SMYD3: variants seen among roughly 807,000 people sequenced by gnomAD.
SMYD3 encodes the protein SET and MYND domain containing 3, also known as histone-lysine N-methyltransferase SMYD3.
A neutral mutation model predicts 57.7 loss-of-function variants in SMYD3; 36 were observed. The observed-to-expected ratio is 0.62, with a 90% CI of 0.48 to 0.82. The LOEUF (loss-of-function observed/expected upper bound fraction) is 0.82. Ranked by LOEUF, SMYD3 falls within the 40% of genes least tolerant of loss-of-function variation. The pLI is 0.00. For missense variants in SMYD3, 515 were observed against 538.8 expected (o/e 0.96, Z 0.44); for synonymous variants, 211 against 195.0 (o/e 1.08, Z -0.68).
At chr1:246,173,128 A>C (rs2062371500) in intron 5 of SMYD3, among the ~76,000 whole-genome samples, 1 of 146,224 alleles carries the variant, frequency 6.8e-6, no homozygotes, top group Non-Finnish European at 1.5e-5. Context: ...TAGGCTACAC[A>C]GGCCTAGAAC....
chr1:246,284,952 A>G (rs900013978), intron 5 of SMYD3, among the ~76,000 whole-genome samples: 31 of 141,514 alleles, frequency 2.2e-4, no homozygotes, highest in African/African-American at 8.4e-4. Flanking sequence ...ATTGACTAGT[A>G]ACTGCCTTTC....
chr1:246,134,979 T>C (rs1292446206), intron 5 of SMYD3, among the ~76,000 whole-genome samples: 2 of 150,080 alleles, frequency 1.3e-5, no homozygotes, highest in African/African-American at 4.9e-5. Flanking sequence ...GAGGCTGCTG[T>C]TTGGTACCTT....
At chr1:246,230,780 C>A (rs920520691) in intron 5 of SMYD3, among the ~76,000 whole-genome samples, 3 of 152,172 alleles carry the variant, frequency 2.0e-5, no homozygotes, top group African/African-American at 7.2e-5. Context: ...ACTGGCCACA[C>A]GTGGCTGTTG....
intron 5 of SMYD3, among the ~76,000 whole-genome samples, chr1:246,292,217 C>T (rs984289225): frequency 1.5e-4 from 22 of 148,290 alleles, no homozygotes; most frequent in African/African-American, 5.5e-4. Flanking sequence ...TACTATCCAA[C>T]ACACCAGCAT....
At chr1:246,243,328 A>ATATATATATT (rs61335937) in intron 5 of SMYD3, among the ~76,000 whole-genome samples, 6 of 147,854 alleles carry the variant, frequency 4.1e-5, no homozygotes, top group African/African-American at 1.5e-4. Flanking sequence ...GTATATATAT[A>ATATATATATT]TTTTCTATGG....
intron 10 of SMYD3, among the ~76,000 whole-genome samples, chr1:245,779,766 T>C (rs2046757258): frequency 6.6e-6 from 1 of 152,224 alleles, no homozygotes; most frequent in Non-Finnish European, 1.5e-5. Flanking sequence ...GGAACCCTCA[T>C]ATATTGTTAA....
chr1:246,058,877 C>CA (rs2060200494), intron 5 of SMYD3, among the ~76,000 whole-genome samples: 2 of 148,382 alleles, frequency 1.3e-5, no homozygotes, highest in Non-Finnish European at 3.0e-5. Context: ...CTCAAATCCA[C>CA]ATTTCTTTTT....
chr1:245,874,957 G>A (rs558010019), intron 8 of SMYD3, among the ~76,000 whole-genome samples: 1 of 152,302 alleles, frequency 6.6e-6, no homozygotes, highest in South Asian at 2.1e-4. Context: ...CAGCTCTTTT[G>A]TGCCTCACCT....
intron 5 of SMYD3, among the ~76,000 whole-genome samples, chr1:245,939,575 C>T (rs2057137445): frequency 6.6e-6 from 1 of 152,178 alleles, no homozygotes; most frequent in African/African-American, 2.4e-5. Context: ...TGCAGTGAGC[C>T]AAGATCGCAC....
chr1:245,964,689 C>T (rs150112315), intron 5 of SMYD3, among the ~76,000 whole-genome samples: 1,751 of 151,888 alleles, frequency 0.012, 20 homozygotes, highest in South Asian at 0.019. Flanking sequence ...TTGAATAATC[C>T]TTTTGACCAA....
intron 5 of SMYD3, among the ~76,000 whole-genome samples, chr1:246,201,376 T>C (rs12074575): frequency 0.13 from 19,399 of 152,146 alleles, 3,212 homozygotes; most frequent in African/African-American, 0.38. Context: ...ATGCAGAAAA[T>C]GGGTGTTCAT....
At chr1:246,326,048 T>C (rs1212156868) in intron 5 of SMYD3, 1 of 210,968 alleles carries the variant, frequency 4.7e-6, no homozygotes, top group African/African-American at 2.3e-5. Flanking sequence ...CAGAAAATCA[T>C]AAAAATGTAC....
chr1:246,108,845 G>A (rs989393640), intron 5 of SMYD3: 2 of 152,144 alleles, frequency 1.3e-5, no homozygotes, highest in African/African-American at 4.8e-5. Flanking sequence ...CATCCTCCCT[G>A]AGGCCTCCAC....
intron 1 of SMYD3, among the ~76,000 whole-genome samples, chr1:246,364,726 C>A (rs774875386): frequency 6.6e-6 from 1 of 152,102 alleles, no homozygotes; most frequent in Non-Finnish European, 1.5e-5. Context: ...AAAGCAACAT[C>A]AAAAAATTCC....
rs142841032 is a variant in SMYD3 at position 245,973,982 on chromosome 1, A to G, written c.532-44045T>C. ...AAATAGACTTTTGCATTTTAACAAAATCATCATCATTAATACCTATGCTTA... is the reference window on the plus strand; with the variant it reads ...AAATAGACTTTTGCATTTTAACAAAGTCATCATCATTAATACCTATGCTTA... On this transcript the variant is annotated intron_variant, in intron 5 of 11. Coordinates refer to ENST00000490107, the MANE Select transcript of SMYD3 (RefSeq NM_001167740.2). Among the ~76,000 whole-genome samples, 558 of 150,618 alleles carry G rather than the reference A, an allele frequency of 3.7e-3. 1 individual carries two copies. The highest frequency in any genetic ancestry group is 6.3e-3 in the Non-Finnish European group (427 of 67,752).
intron 5 of SMYD3, among the ~76,000 whole-genome samples, chr1:245,953,642 A>G (rs1440490479): frequency 6.6e-6 from 1 of 152,012 alleles, no homozygotes; most frequent in Non-Finnish European, 1.5e-5. Flanking sequence ...GCTGATCTTG[A>G]ACTCCTGACC....
At chr1:246,121,229 G>A (rs1366334646) in intron 5 of SMYD3, among the ~76,000 whole-genome samples, 1 of 47,550 alleles carries the variant, frequency 2.1e-5, no homozygotes, top group African/African-American at 7.1e-5. Flanking sequence ...CTTGCTCTAT[G>A]AGTATTTTTT....
chr1:246,303,223 G>A (rs1458197773), intron 5 of SMYD3, among the ~76,000 whole-genome samples: 1 of 152,184 alleles, frequency 6.6e-6, no homozygotes, highest in Admixed American at 6.5e-5. Flanking sequence ...TCACAGAGTT[G>A]CTGTGAGGAG....
At chr1:246,451,001 A>C (rs1285046359) in intron 1 of SMYD3, among the ~76,000 whole-genome samples, 1 of 152,196 alleles carries the variant, frequency 6.6e-6, no homozygotes, top group African/African-American at 2.4e-5. Context: ...CCCTAAAGAC[A>C]AAGAATCTCC....
Sources: allele counts gnomAD v4.1 joint callset (sites outside exome capture counted in the v4.1 genomes callset), GRCh38; gene constraint gnomAD v4.1.1; transcripts MANE v1.5; gene names NCBI Gene and HGNC (gene_info 2026-07-23, HGNC 2026-07-21).